Variants in LARGE1 observed in about 807,000 individuals in gnomAD.
The protein encoded by LARGE1 is LARGE xylosyl- and glucuronyltransferase 1.
In LARGE1, 43 loss-of-function variants were observed where a neutral mutation model predicts 87.6. The ratio of observed to expected loss-of-function variants is 0.49; its 90% CI spans 0.38 to 0.63. LARGE1 has a LOEUF of 0.63. LARGE1 is among the 30% of genes least tolerant of loss of function. The pLI, the probability that LARGE1 is intolerant of heterozygous loss-of-function variation, is 0.00. For missense variants in LARGE1, 802 were observed against 1,000.2 expected (o/e 0.80, Z 2.67); for synonymous variants, 434 against 394.6 (o/e 1.10, Z -1.18).
In LARGE1 at chr22:33,848,532, C is replaced by T. The variant is rs1246473269; in HGVS notation, c.-83+71463G>A. 4.7e-4 allele frequency among the ~76,000 whole-genome samples: 71 copies of T among 152,066 alleles called. 1 individual carries two copies. Among genetic ancestry groups the T allele is most frequent in the Admixed American group, 4.6e-3 (70 of 15,258 alleles). On this transcript the variant is annotated intron_variant, in intron 1 of 14. Coordinates refer to ENST00000397394, the MANE Select transcript of LARGE1 (RefSeq NM_133642.5). ...ACCTGTCCCCACACCAGGAGCCCACCCCAGCCTGACTCAAACTCTGCCTTA... is the reference window on the plus strand; with the variant it reads ...ACCTGTCCCCACACCAGGAGCCCACTCCAGCCTGACTCAAACTCTGCCTTA...
At chr22:33,876,800 T>A (rs187984278) in intron 1 of LARGE1, among the ~76,000 whole-genome samples, 3 of 151,324 alleles carry the variant, frequency 2.0e-5, no homozygotes, top group Non-Finnish European at 4.4e-5. Flanking sequence ...TGCACATGTA[T>A]CTCAAAACTT....
chr22:33,583,726 A>T (rs1432057317), intron 5 of LARGE1, among the ~76,000 whole-genome samples: 1 of 152,170 alleles, frequency 6.6e-6, no homozygotes, highest in African/African-American at 2.4e-5. Context: ...GGTCCCCCCC[A>T]TCCAGTATGA....
intron 11 of LARGE1, among the ~76,000 whole-genome samples, chr22:33,177,897 A>G (rs149632523): frequency 4.8e-4 from 73 of 152,278 alleles, no homozygotes; most frequent in South Asian, 3.5e-3. Context: ...CGTGGTAGTC[A>G]GTGAGTTCTC....
chr22:33,143,842 A>C, the LARGE1 span, among the ~76,000 whole-genome samples: 1 of 152,182 alleles, frequency 6.6e-6, no homozygotes. Context: ...AATCCATTAT[A>C]CTGACTTTCA....
intron 6 of LARGE1, among the ~76,000 whole-genome samples, chr22:33,470,136 C>T (rs137929673): frequency 0.017 from 2,636 of 151,940 alleles, 85 homozygotes; most frequent in African/African-American, 0.06. Context: ...GTGATCCACC[C>T]GCCTCAGCCT....
the LARGE1 span, among the ~76,000 whole-genome samples, chr22:33,113,260 T>C: frequency 2.0e-5 from 3 of 147,230 alleles, no homozygotes; most frequent in Non-Finnish European, 4.4e-5. Context: ...CAGGCTGGAG[T>C]GCAATGGCAT....
chr22:33,764,946 G>T (rs898593918), intron 1 of LARGE1, among the ~76,000 whole-genome samples: 4 of 152,112 alleles, frequency 2.6e-5, no homozygotes, highest in African/African-American at 9.7e-5. Context: ...TGTGAATGTG[G>T]AACCCTCAGA....
At chr22:33,795,560 C>T (rs145590802) in intron 1 of LARGE1, among the ~76,000 whole-genome samples, 11,407 of 151,822 alleles carry the variant, frequency 0.075, 548 homozygotes, top group South Asian at 0.22. Context: ...CACATGCGCA[C>T]GTATGTTTAC....
At chr22:33,305,325 G>C (rs964798074) in intron 11 of LARGE1, among the ~76,000 whole-genome samples, 1 of 149,286 alleles carries the variant, frequency 6.7e-6, no homozygotes, top group African/African-American at 2.5e-5. Context: ...CTGAGCCAGG[G>C]AGAGGGGGAA....
chr22:33,818,181 A>C (rs973339097), intron 1 of LARGE1, among the ~76,000 whole-genome samples: 2 of 152,128 alleles, frequency 1.3e-5, no homozygotes, highest in African/African-American at 4.8e-5. Flanking sequence ...CTTGAGACTC[A>C]CACCTTCCCA....
At chr22:33,742,262 G>C (rs1320841727) in intron 2 of LARGE1, among the ~76,000 whole-genome samples, 2 of 152,214 alleles carry the variant, frequency 1.3e-5, no homozygotes, top group Non-Finnish European at 1.5e-5. Context: ...TAGGGTGGTT[G>C]TGAGGATGGA....
chr22:33,513,909 A>G (rs1807492), intron 6 of LARGE1, among the ~76,000 whole-genome samples: 69,058 of 151,534 alleles, frequency 0.46, 16,851 homozygotes, highest in Admixed American at 0.54. Context: ...GTGGTCCCAT[A>G]AGATTATGAC....
chr22:33,548,251 T>G (rs549834430), intron 6 of LARGE1, among the ~76,000 whole-genome samples: 3 of 152,294 alleles, frequency 2.0e-5, no homozygotes, highest in African/African-American at 7.2e-5. Flanking sequence ...CTCTTTTGCT[T>G]TTGCTTCTGC....
intron 1 of LARGE1, among the ~76,000 whole-genome samples, chr22:33,837,256 A>ATAT (rs2063135772): frequency 4.6e-5 from 4 of 86,104 alleles, no homozygotes; most frequent in Non-Finnish European, 7.2e-5. Flanking sequence ...AGTATTACAT[A>ATAT]TACACACACA....
At position 33,696,560 on chromosome 22, in the gene LARGE1, T is replaced by C. The variant is rs191660292; in HGVS notation, c.107-45892A>G. Among the ~76,000 whole-genome samples the C allele has an allele frequency of 7.9e-5, 12 of 152,292 alleles. 1 individual carries two copies. The highest frequency in any genetic ancestry group is 3.4e-3 in the Middle Eastern group (1 of 294). On this transcript the variant is annotated intron_variant, in intron 2 of 14. Coordinates refer to ENST00000397394, the MANE Select transcript of LARGE1 (RefSeq NM_133642.5). The stretch of plus-strand genomic sequence containing the variant: ...TTACAGGCCTATCTATTCAGTTTTA[T>C]AGGAAATCAGCAGACCTTTCTTTAA...
Position 33,530,969 on chromosome 22 carries a change from T to A in LARGE1, c.787+33879A>T, listed in dbSNP as rs566159036. 5.9e-5 allele frequency among the ~76,000 whole-genome samples: 9 copies of A among 152,312 alleles called. No individual in the cohort carries two copies. In the South Asian group the frequency reaches 1.2e-3, roughly 21 times the overall value. On this transcript the variant is annotated intron_variant, in intron 6 of 14. Coordinates refer to ENST00000397394, the MANE Select transcript of LARGE1 (RefSeq NM_133642.5). ...CTTGACTCTCTACCCAGTCATTCAA[T>A]GTGGACAGGGCACTGATATCTGGTC...
intron 9 of LARGE1, among the ~76,000 whole-genome samples, chr22:33,365,060 AT>A (rs2064538571): frequency 6.6e-6 from 1 of 151,922 alleles, no homozygotes; most frequent in Non-Finnish European, 1.5e-5. Context: ...TTATGTTTTT[AT>A]TTTTGATATA....
rs5994804 is a variant in LARGE1, at chr22:33,849,838, C to T, written c.-83+70157G>A. Among the ~76,000 whole-genome samples, 568 of 152,148 alleles carry T rather than the reference C, an allele frequency of 3.7e-3. 5 individuals are homozygous for T. The highest frequency in any genetic ancestry group is 0.013 in the African/African-American group (522 of 41,524). ...CTGGTCTCAAACTCCTGACCTCAGGCGATCCTCCCGCCTCTGCCTCCCAAA... is the reference window on the plus strand; with the variant it reads ...CTGGTCTCAAACTCCTGACCTCAGGTGATCCTCCCGCCTCTGCCTCCCAAA... On this transcript the variant is annotated intron_variant, in intron 1 of 14. Coordinates refer to ENST00000397394, the MANE Select transcript of LARGE1 (RefSeq NM_133642.5).
intron 1 of LARGE1, among the ~76,000 whole-genome samples, chr22:33,866,769 G>A (rs933223064): frequency 6.6e-6 from 1 of 152,090 alleles, no homozygotes; most frequent in Admixed American, 6.6e-5. Flanking sequence ...TTTATAGAAA[G>A]CACCTCCCAC....
Sources: gnomAD v4.1 joint callset for allele counts (sites outside exome capture counted in the v4.1 genomes callset) on GRCh38, gnomAD v4.1.1 for gene constraint, MANE v1.5 for transcripts, NCBI Gene and HGNC (gene_info 2026-07-23, HGNC 2026-07-21) for gene names.